TRMT11: variants seen among roughly 807,000 people sequenced by gnomAD.
The protein encoded by TRMT11 is tRNA (guanine(10)-N(2))-methyltransferase TRMT11.
A neutral mutation model predicts 62.8 loss-of-function variants in TRMT11; 53 were observed. That is an observed-to-expected ratio of 0.84 (90% CI 0.68 to 1.06). The LOEUF is 1.06. Ranked by LOEUF, TRMT11 falls within the 50% of genes least tolerant of loss-of-function variation. The probability of loss-of-function intolerance (pLI) is 0.00; values close to 1 mark genes in which losing one functional copy is unlikely to be tolerated. For missense variants in TRMT11, 556 were observed against 553.4 expected (o/e 1.00, Z -0.05); for synonymous variants, 188 against 190.3 (o/e 0.99, Z 0.10).
At chr6:126,089,537 T>C (rs1199966107) in intron 17 of TRMT11, among the ~76,000 whole-genome samples, 1 of 152,224 alleles carries the variant, frequency 6.6e-6, no homozygotes, top group East Asian at 1.9e-4. Flanking sequence ...ACATGGTTAC[T>C]GAGAAACAAA....
chr6:126,031,289 A>G (rs183996439), intron 12 of TRMT11, among the ~76,000 whole-genome samples: 5 of 152,282 alleles, frequency 3.3e-5, no homozygotes, highest in Non-Finnish European at 5.9e-5. Flanking sequence ...TGTATACTTT[A>G]TTTCTCTTAC....
At chr6:126,171,245 G>T (rs1040743394) in intron 21 of TRMT11, among the ~76,000 whole-genome samples, 1 of 151,616 alleles carries the variant, frequency 6.6e-6, no homozygotes, top group Admixed American at 6.6e-5. Context: ...AGCAGGATTC[G>T]CTTACTTTTT....
At position 125,998,246 on chromosome 6, in the gene TRMT11, T is replaced by C. The variant is rs1365855248; in HGVS notation, c.318T>C (p.Ser106=). 6 of 1,601,170 alleles carry C rather than the reference T, an allele frequency of 3.7e-6. No individual in the cohort carries two copies. Among genetic ancestry groups the C allele is most frequent in the Middle Eastern group, 1.7e-4 (1 of 6,024 alleles). ...AGGTTCCATTTCTACATTCGGACTCTACATATAAAATAAAGATTCACACTT... is the reference window on the plus strand; with the variant it reads ...AGGTTCCATTTCTACATTCGGACTCCACATATAAAATAAAGATTCACACTT... ...EKMVPFLHSD[S]TYKIKIHTFN... The change falls in exon 5 of 13, where the codon TCT becomes TCC. Residue 106 remains serine, a synonymous_variant. Coordinates refer to ENST00000334379, the MANE Select transcript of TRMT11 (RefSeq NM_001031712.3).
chr6:126,019,947 G>T (rs1308095168), intron 11 of TRMT11, among the ~76,000 whole-genome samples: 3 of 152,178 alleles, frequency 2.0e-5, no homozygotes, highest in Non-Finnish European at 4.4e-5. Context: ...GCTCTAGGAA[G>T]AAGTCAGAGA....
intron 21 of TRMT11, among the ~76,000 whole-genome samples, chr6:126,132,936 T>A (rs1472413399): frequency 6.6e-6 from 1 of 152,064 alleles, no homozygotes; most frequent in East Asian, 1.9e-4. Context: ...TTTCCCTTAA[T>A]TTTTAAAGGC....
the TRMT11 span, among the ~76,000 whole-genome samples, chr6:126,236,798 C>G: frequency 6.6e-6 from 1 of 152,074 alleles, no homozygotes; most frequent in Non-Finnish European, 1.5e-5. Flanking sequence ...GGAGGGGATA[C>G]GTGTGGTCTC....
intron 21 of TRMT11, among the ~76,000 whole-genome samples, chr6:126,128,569 A>T (rs941202874): frequency 6.6e-6 from 1 of 152,096 alleles, no homozygotes; most frequent in African/African-American, 2.4e-5. Context: ...GGTTATATGT[A>T]AATATGTGTG....
At chr6:126,172,592 G>A (rs1416413160), upstream of TRMT11, among the ~76,000 whole-genome samples, 1 of 152,110 alleles carries the variant, frequency 6.6e-6, no homozygotes, top group Non-Finnish European at 1.5e-5. Context: ...TTCTTCAAGT[G>A]TATTTTTTTT....
At chr6:126,053,296 A>C (rs1562307735) in intron 17 of TRMT11, among the ~76,000 whole-genome samples, 1 of 152,192 alleles carries the variant, frequency 6.6e-6, no homozygotes, top group Non-Finnish European at 1.5e-5. Flanking sequence ...TGTATTAACC[A>C]TGTGTTTCTG....
the TRMT11 span, among the ~76,000 whole-genome samples, chr6:126,264,487 G>T: frequency 6.6e-6 from 1 of 152,198 alleles, no homozygotes; most frequent in East Asian, 1.9e-4. Context: ...GCTTAAGCTT[G>T]CACAGTTAGT....
chr6:126,168,141 T>G (rs936472054), intron 21 of TRMT11, among the ~76,000 whole-genome samples: 3 of 152,192 alleles, frequency 2.0e-5, no homozygotes, highest in African/African-American at 7.2e-5. Context: ...ACACATTTCT[T>G]TTTATCAGTG....
intron 17 of TRMT11, among the ~76,000 whole-genome samples, chr6:126,102,405 C>T (rs1777411760): frequency 6.6e-6 from 1 of 151,932 alleles, no homozygotes. Flanking sequence ...TGCCACCCAC[C>T]GCAGTCCCCA....
the TRMT11 span, among the ~76,000 whole-genome samples, chr6:126,254,853 T>C: frequency 7.6e-4 from 116 of 152,234 alleles, no homozygotes; most frequent in African/African-American, 2.6e-3. Context: ...TTTATTTCTA[T>C]GGATTTGAAA....
chr6:126,002,809 G>C (rs1362139897), intron 7 of TRMT11, among the ~76,000 whole-genome samples: 1 of 152,004 alleles, frequency 6.6e-6, no homozygotes, highest in Non-Finnish European at 1.5e-5. Flanking sequence ...TTGTTTTCTA[G>C]TTGATTCTTC....
At chr6:126,200,012 TG>T (rs1405246756) in intron 3 of TRMT11, 1 of 152,082 alleles carries the variant, frequency 6.6e-6, no homozygotes, top group Non-Finnish European at 1.5e-5. Flanking sequence ...CAATATAGGG[TG>T]TCCAGAGATA....
intron 1 of TRMT11, among the ~76,000 whole-genome samples, chr6:125,991,070 C>A (rs1790539599): frequency 6.6e-6 from 1 of 151,696 alleles, no homozygotes; most frequent in Non-Finnish European, 1.5e-5. Context: ...CATAGTGAAA[C>A]CCCATCTCTA....
At chr6:126,267,529 TA>T in the TRMT11 span, among the ~76,000 whole-genome samples, 1 of 152,214 alleles carries the variant, frequency 6.6e-6, no homozygotes, top group African/African-American at 2.4e-5. Flanking sequence ...TGTCCCTAAT[TA>T]ATTTCTTCTT....
the TRMT11 span, among the ~76,000 whole-genome samples, chr6:126,244,962 A>G: frequency 6.6e-6 from 1 of 152,322 alleles, no homozygotes; most frequent in Non-Finnish European, 1.5e-5. Context: ...ATTCAATGTA[A>G]TGAGGTTAGA....
the TRMT11 span, among the ~76,000 whole-genome samples, chr6:126,240,994 A>T: frequency 2.0e-5 from 3 of 152,236 alleles, no homozygotes; most frequent in Admixed American, 1.3e-4. Context: ...CCGTGGGCAT[A>T]GGACCCTCCG....
Sources: gnomAD v4.1 joint callset for allele counts (sites outside exome capture counted in the v4.1 genomes callset) on GRCh38, gnomAD v4.1.1 for gene constraint, MANE v1.5 for transcripts, NCBI Gene and HGNC (gene_info 2026-07-23, HGNC 2026-07-21) for gene names.